The following MARCHF1 variants were observed in gnomAD, a reference collection of about 807,000 sequenced individuals.
MARCHF1 encodes E3 ubiquitin-protein ligase MARCHF1.
Under a neutral mutation model 54.2 loss-of-function variants are expected in MARCHF1, and 40 were observed. The ratio of observed to expected loss-of-function variants is 0.74; its 90% CI spans 0.57 to 0.96. MARCHF1 has a LOEUF of 0.96. MARCHF1 is among the 40% of genes least tolerant of loss of function. MARCHF1 has a pLI of 0.00. For synonymous variants in MARCHF1, 236 were observed against 236.3 expected, an observed-to-expected ratio of 1.00 and a Z score of 0.01; for missense variants, 586 against 656.5, an observed-to-expected ratio of 0.89 and a Z score of 1.17.
intron 5 of MARCHF1, among the ~76,000 whole-genome samples, chr4:163,674,754 A>C (rs1743854354): frequency 6.6e-6 from 1 of 152,216 alleles, no homozygotes; most frequent in Admixed American, 6.5e-5. Flanking sequence ...AATTTAAATA[A>C]GTATAATATG....
At chr4:163,738,878 A>G (rs1463878438) in intron 4 of MARCHF1, among the ~76,000 whole-genome samples, 1 of 152,206 alleles carries the variant, frequency 6.6e-6, no homozygotes, top group Non-Finnish European at 1.5e-5. Flanking sequence ...TAGGCCAGCA[A>G]CTAACCTCTA....
At chr4:163,768,618 G>T (rs748218737) in intron 4 of MARCHF1, among the ~76,000 whole-genome samples, 1 of 152,136 alleles carries the variant, frequency 6.6e-6, no homozygotes, top group Non-Finnish European at 1.5e-5. Context: ...ATTAGGAAAT[G>T]CATGGCTAAT....
intron 4 of MARCHF1, among the ~76,000 whole-genome samples, chr4:163,845,333 C>T (rs1302642394): frequency 6.6e-6 from 1 of 152,042 alleles, no homozygotes; most frequent in Non-Finnish European, 1.5e-5. Flanking sequence ...TCAACAAAGA[C>T]AAGGCTAATC....
At position 164,197,297 on chromosome 4, in the gene MARCHF1, T is replaced by A. The variant is rs561120126; in HGVS notation, c.-322-85635A>T. The stretch of plus-strand genomic sequence containing the variant: ...TCCCAGTAACAGCTGTCGAGATATG[T>A]GAGTTGCAGGAGAAGCTTGAACACG... On this transcript the variant is annotated intron_variant, in intron 1 of 9. Coordinates refer to ENST00000514618, the MANE Select transcript of MARCHF1 (RefSeq NM_001394959.1). 5.9e-5 allele frequency: 95 copies of A among 1,611,830 alleles called. No homozygotes were observed. In the South Asian group the frequency reaches 9.9e-4, roughly 17 times the overall value.
chr4:164,119,761 T>A (rs369142627), intron 1 of MARCHF1, among the ~76,000 whole-genome samples: 3 of 151,678 alleles, frequency 2.0e-5, no homozygotes, highest in East Asian at 3.9e-4. Context: ...GCAGGTAATT[T>A]TATAGAAAAA....
rs991167749 is a variant in MARCHF1 at position 164,316,068 on chromosome 4, G to A, written c.-323+67802C>T. On this transcript the variant is annotated intron_variant, in intron 1 of 9. Coordinates refer to ENST00000514618, the MANE Select transcript of MARCHF1 (RefSeq NM_001394959.1). Reference sequence around the variant, plus strand: ...AATACTCCTCTCAATGGGTTATTGCGCTGACAAAATGAGCTAATATATATA... The same window carrying A: ...AATACTCCTCTCAATGGGTTATTGCACTGACAAAATGAGCTAATATATATA... 3.9e-5 allele frequency among the ~76,000 whole-genome samples: 6 copies of A among 152,002 alleles called. No individual in the cohort carries two copies. The East Asian group carries it at 5.8e-4, about 15-fold the overall frequency.
intron 4 of MARCHF1, among the ~76,000 whole-genome samples, chr4:163,731,807 G>T (rs545893666): frequency 6.6e-6 from 1 of 152,092 alleles, no homozygotes; most frequent in African/African-American, 2.4e-5. Context: ...CTTATAATTC[G>T]CAAGGAATCA....
intron 7 of MARCHF1, among the ~76,000 whole-genome samples, chr4:163,594,913 T>G (rs530591117): frequency 2.0e-5 from 3 of 152,038 alleles, no homozygotes; most frequent in Non-Finnish European, 4.4e-5. Context: ...GAATTAAAAA[T>G]AGAAATACCA....
rs1205758585 is a variant in MARCHF1 at position 164,235,666 on chromosome 4, T to C, written c.-322-124004A>G. Among the ~76,000 whole-genome samples, 7 of 152,060 alleles carry C rather than the reference T, an allele frequency of 4.6e-5. No homozygotes were observed. In the South Asian group the frequency reaches 1.0e-3, roughly 23 times the overall value. On this transcript the variant is annotated intron_variant, in intron 1 of 9. Coordinates refer to ENST00000514618, the MANE Select transcript of MARCHF1 (RefSeq NM_001394959.1). ...ACCAAAGACTGTATGTGCTCACTTA[T>C]AAGTGGGAGCTAAGCTATGAGTATG... is the stretch of plus-strand genomic sequence containing the variant.
intron 2 of MARCHF1, among the ~76,000 whole-genome samples, chr4:164,065,158 G>T (rs1328652316): frequency 6.6e-6 from 1 of 152,136 alleles, no homozygotes; most frequent in Admixed American, 6.5e-5. Flanking sequence ...GATGATGCTG[G>T]CCTCATAGAA....
rs144957278 is a variant in MARCHF1, at chr4:164,064,157, T to C, written c.-248+47431A>G. On this transcript the variant is annotated intron_variant, in intron 2 of 9. Coordinates refer to ENST00000514618, the MANE Select transcript of MARCHF1 (RefSeq NM_001394959.1). ...TTGGCTATTCAGGCTCTTTGTTTGGTTCCATATGAATTGTAAAATAGTTTT... is the reference window on the plus strand; with the variant it reads ...TTGGCTATTCAGGCTCTTTGTTTGGCTCCATATGAATTGTAAAATAGTTTT... Among the ~76,000 whole-genome samples, 919 of 152,334 alleles carry C rather than the reference T, an allele frequency of 6.0e-3. 9 individuals are homozygous for C. The highest frequency in any genetic ancestry group is 0.021 in the African/African-American group (875 of 41,574).
chr4:163,684,992 G>T (rs1744222531), intron 5 of MARCHF1, among the ~76,000 whole-genome samples: 2 of 152,100 alleles, frequency 1.3e-5, no homozygotes, highest in Non-Finnish European at 2.9e-5. Flanking sequence ...AAATAATTCA[G>T]AATGCATATC....
chr4:163,930,935 C>G (rs558815695), intron 3 of MARCHF1, among the ~76,000 whole-genome samples: 1 of 151,962 alleles, frequency 6.6e-6, no homozygotes, highest in Non-Finnish European at 1.5e-5. Flanking sequence ...TTGTGCCATG[C>G]CCTCAAATTC....
At chr4:164,251,705 C>T (rs1186842576) in intron 1 of MARCHF1, among the ~76,000 whole-genome samples, 1 of 152,130 alleles carries the variant, frequency 6.6e-6, no homozygotes, top group Non-Finnish European at 1.5e-5. Context: ...TTAAGGGGAA[C>T]TATTTCTTCA....
chr4:164,128,430 A>G (rs544239539), intron 1 of MARCHF1, among the ~76,000 whole-genome samples: 2 of 152,300 alleles, frequency 1.3e-5, no homozygotes, highest in South Asian at 4.1e-4. Flanking sequence ...AATTAAGAAG[A>G]AAAAAGACTT....
At chr4:164,305,686 T>G (rs878881471) in intron 1 of MARCHF1, among the ~76,000 whole-genome samples, 3 of 152,200 alleles carry the variant, frequency 2.0e-5, no homozygotes, top group Admixed American at 2.0e-4. Flanking sequence ...AGTGAAAACT[T>G]CTGCATATTT....
At chr4:164,072,228 A>G (rs1754882217) in intron 2 of MARCHF1, among the ~76,000 whole-genome samples, 1 of 152,194 alleles carries the variant, frequency 6.6e-6, no homozygotes, top group Admixed American at 6.5e-5. Flanking sequence ...AATATAAAAA[A>G]CATTATAATT....
rs563925616 is a variant in MARCHF1, at chr4:163,825,712, T to A, written c.111+28309A>T. On this transcript the variant is annotated intron_variant, in intron 4 of 9. Transcript: ENST00000514618. Reference sequence around the variant, plus strand: ...ATGATTAGTGACGTTAAGCATTTTTTAATATAATGTTGGCTGCATTTACAG... The same window carrying A: ...ATGATTAGTGACGTTAAGCATTTTTAAATATAATGTTGGCTGCATTTACAG... Among the ~76,000 whole-genome samples, 158 of 152,188 alleles carry A rather than the reference T, an allele frequency of 1.0e-3. 3 individuals are homozygous for A. In the South Asian group the frequency reaches 0.031, roughly 30 times the overall value.
At chr4:164,230,125 G>A (rs1485437454) in intron 1 of MARCHF1, among the ~76,000 whole-genome samples, 1 of 152,160 alleles carries the variant, frequency 6.6e-6, no homozygotes, top group Admixed American at 6.5e-5. Context: ...GCTGGGCACG[G>A]TGCCTCATGC....
Sources: allele counts gnomAD v4.1 joint callset (sites outside exome capture counted in the v4.1 genomes callset), GRCh38; gene constraint gnomAD v4.1.1; transcripts MANE v1.5; gene names NCBI Gene and HGNC (gene_info 2026-07-23, HGNC 2026-07-21).